Variants in FAM149B1 observed in about 807,000 individuals in gnomAD.
FAM149B1 encodes the protein primary cilium assembly protein FAM149B1.
FAM149B1 carries 56 observed loss-of-function variants against 75.3 expected under a neutral mutation model. That is an observed-to-expected ratio of 0.74 (90% CI 0.60 to 0.93). FAM149B1 has a LOEUF of 0.93. FAM149B1 is among the 40% of genes least tolerant of loss of function. FAM149B1 has a pLI of 0.00. For missense variants in FAM149B1, 639 were observed against 708.4 expected, an observed-to-expected ratio of 0.90 and a Z score of 1.11; for synonymous variants, 259 against 256.1, an observed-to-expected ratio of 1.01 and a Z score of -0.11.
chr10:73,220,743 A>G (rs917965795), intron 7 of FAM149B1, among the ~76,000 whole-genome samples: 2 of 152,084 alleles, frequency 1.3e-5, no homozygotes, highest in South Asian at 2.1e-4. Context: ...ATCTCTTTCT[A>G]TTTACACGTG....
intron 6 of FAM149B1, among the ~76,000 whole-genome samples, chr10:73,209,941 C>T (rs944310009): frequency 4.6e-5 from 7 of 152,048 alleles, no homozygotes. Flanking sequence ...TGTTCACTCA[C>T]GTATCACTCA....
intron 3 of FAM149B1, among the ~76,000 whole-genome samples, chr10:73,182,095 A>T (rs536107477): frequency 9.9e-5 from 15 of 151,910 alleles, no homozygotes; most frequent in Admixed American, 4.6e-4. Context: ...TGGGTATGGA[A>T]TATCTTTTTC....
rs2042709806 is a variant in FAM149B1, at chr10:73,192,543, T to C, written c.283-13T>C. On this transcript the variant is annotated splice_polypyrimidine_tract_variant and intron_variant, in intron 3 of 13. Coordinates refer to ENST00000242505, the MANE Select transcript of FAM149B1 (RefSeq NM_173348.2). ...AGCTCACCTAAATATTTGGGGGGAATATTTTCTTCTAGGAACTCGATCAAA... is the reference window on the plus strand; with the variant it reads ...AGCTCACCTAAATATTTGGGGGGAACATTTTCTTCTAGGAACTCGATCAAA... The C allele has an allele frequency of 6.5e-7, 1 of 1,548,936 alleles. No individual in the cohort carries two copies. Among genetic ancestry groups the C allele is most frequent in the Non-Finnish European group, 8.7e-7 (1 of 1,146,210 alleles).
chr10:73,192,582 A>G lies in FAM149B1; in HGVS notation c.309A>G (p.Lys103=), dbSNP rs2042710458. ...YGELDQNATE[K]VQTMFTAIDE... is the part of the protein sequence containing the mutation. ...AACTCGATCAAAATGCCACTGAAAAAGTCCAGACAATGTTCACAGCCATTG... is the reference window on the plus strand; with the variant it reads ...AACTCGATCAAAATGCCACTGAAAAGGTCCAGACAATGTTCACAGCCATTG... The change falls in exon 4 of 14, where the codon AAA becomes AAG. Residue 103 remains lysine (K), a synonymous_variant. Transcript: ENST00000242505. The G allele has an allele frequency of 8.4e-6, 13 of 1,551,408 alleles. No homozygotes were observed. Among genetic ancestry groups the G allele is most frequent in the Non-Finnish European group, 1.1e-5 (13 of 1,146,902 alleles).
intron 3 of FAM149B1, 93 bp downstream of exon 3, chr10:73,178,068 A>G (rs1844050753): frequency 2.4e-6 from 3 of 1,245,138 alleles, no homozygotes; most frequent in Admixed American, 6.0e-5. Flanking sequence ...ACTCTCCTGC[A>G]TTGTTTCTTT....
intron 7 of FAM149B1, among the ~76,000 whole-genome samples, chr10:73,212,921 C>T (rs766771100): frequency 2.0e-5 from 3 of 152,148 alleles, no homozygotes; most frequent in East Asian, 1.9e-4. Context: ...CAGCTCACTG[C>T]GGCCTTGACC....
intron 5 of FAM149B1, chr10:73,201,187 A>G (rs2133351984): frequency 4.0e-6 from 1 of 248,104 alleles, no homozygotes; most frequent in South Asian, 6.7e-5. Flanking sequence ...ATGCAATACT[A>G]CAGTGAAGGA....
At chr10:73,219,791 A>G (rs190244116) in intron 7 of FAM149B1, among the ~76,000 whole-genome samples, 1 of 152,268 alleles carries the variant, frequency 6.6e-6, no homozygotes, top group Non-Finnish European at 1.5e-5. Flanking sequence ...GAGAGCCAAA[A>G]TCATAAAACT....
rs1432314290 is a variant in FAM149B1, at chr10:73,235,044, C to T, written c.1476+104C>T. 7 of 1,477,924 alleles carry T rather than the reference C, an allele frequency of 4.7e-6. No homozygotes were observed. In the African/African-American group the frequency reaches 7.0e-5, roughly 15 times the overall value. 91.6% of individuals were successfully genotyped at this position (1,477,924 alleles called of 1,614,324 possible). On this transcript the variant is annotated intron_variant, in intron 11 of 13. Coordinates refer to ENST00000242505, the MANE Select transcript of FAM149B1 (RefSeq NM_173348.2). ...GATCTTGATTTATACTGTGTTTTGT[C>T]AAAAGTACAAACACAGTGCTAATTT...
chr10:73,168,452 C>G, intron 1 of FAM149B1, 66 bp downstream of exon 1: 1 of 1,527,896 alleles, frequency 6.5e-7, no homozygotes, highest in Non-Finnish European at 8.8e-7. Flanking sequence ...CCTCCTTGAC[C>G]AGTCCTTCGT....
At chr10:73,201,994 G>A (rs567390580) in intron 5 of FAM149B1, among the ~76,000 whole-genome samples, 5 of 152,008 alleles carry the variant, frequency 3.3e-5, no homozygotes, top group South Asian at 2.1e-4. Flanking sequence ...GTGAAACCCC[G>A]TCTCTACTAA....
At chr10:73,225,679 C>T (rs1246198877) in intron 7 of FAM149B1, among the ~76,000 whole-genome samples, 1 of 152,088 alleles carries the variant, frequency 6.6e-6, no homozygotes, top group Non-Finnish European at 1.5e-5. Context: ...CCAGTAATGA[C>T]CTAGGCCTTC....
intron 8 of FAM149B1, among the ~76,000 whole-genome samples, chr10:73,228,486 T>C (rs1291719258): frequency 1.3e-5 from 2 of 152,228 alleles, no homozygotes; most frequent in African/African-American, 4.8e-5. Flanking sequence ...ACCCTTATGA[T>C]AAAAATGACT....
chr10:73,201,165 ACT>A lies in FAM149B1; in HGVS notation c.543-7453_543-7452del, dbSNP rs1429899774. ...GGAAGGCAAGAGGATTCTTCGTGAC[ACT>A]GAGATTTGTATGCAATACTACAGTG... is the stretch of plus-strand genomic sequence containing the variant. On this transcript the variant is annotated intron_variant, in intron 5 of 13. Transcript: ENST00000242505. 4 of 273,204 alleles carry A rather than the reference ACT, an allele frequency of 1.5e-5. No homozygotes were observed. The East Asian group carries it at 3.8e-4, about 26-fold the overall frequency. The allele number at this position is 273,204 out of a possible 1,614,324, so 16.9% of individuals were successfully genotyped here.
At chr10:73,181,046 A>T in intron 3 of FAM149B1, among the ~76,000 whole-genome samples, 1 of 146,858 alleles carries the variant, frequency 6.8e-6, no homozygotes, top group Non-Finnish European at 1.5e-5. Flanking sequence ...TCGCATTGTC[A>T]CCCAGGCTAG....
chr10:73,187,596 G>C (rs2042561077), intron 3 of FAM149B1, among the ~76,000 whole-genome samples: 1 of 151,668 alleles, frequency 6.6e-6, no homozygotes, highest in South Asian at 2.1e-4. Flanking sequence ...GGGTGTGGTG[G>C]CGCAGGCCTG....
At chr10:73,240,064 A>G (rs537079545) in intron 13 of FAM149B1, among the ~76,000 whole-genome samples, 17 of 152,264 alleles carry the variant, frequency 1.1e-4, no homozygotes, top group African/African-American at 3.9e-4. Flanking sequence ...AGCTAGGGCT[A>G]CAAGCAGTGC....
In FAM149B1 at chr10:73,244,134, G is replaced by A. The variant is rs2043982322; in HGVS notation, c.*3115G>A. The A allele has an allele frequency of 1.8e-6, 1 of 560,554 alleles. No individual in the cohort carries two copies. Among genetic ancestry groups the A allele is most frequent in the African/African-American group, 1.9e-5 (1 of 51,368 alleles). The allele number at this position is 560,554 out of a possible 1,614,324, so 34.7% of individuals were successfully genotyped here. On this transcript the variant is annotated 3_prime_UTR_variant, in exon 14 of 14. Transcript: ENST00000242505. Reference sequence around the variant, plus strand: ...GATCCTCTGATTCCAATTACCATTTGTTTTTTACCCAATTCTATTTGCTAG... The same window carrying A: ...GATCCTCTGATTCCAATTACCATTTATTTTTTACCCAATTCTATTTGCTAG...
At chr10:73,195,825 C>T (rs2042791717) in intron 5 of FAM149B1, among the ~76,000 whole-genome samples, 1 of 152,044 alleles carries the variant, frequency 6.6e-6, no homozygotes. Context: ...AAACAAATAC[C>T]TATTTATACT....
Sources: allele counts gnomAD v4.1 joint callset (sites outside exome capture counted in the v4.1 genomes callset), GRCh38; gene constraint gnomAD v4.1.1; transcripts MANE v1.5; gene names NCBI Gene and HGNC (gene_info 2026-07-23, HGNC 2026-07-21).